The following PAPPA2 variants were observed in gnomAD, a reference collection of about 807,000 sequenced individuals.
PAPPA2 encodes pappalysin 2.
In PAPPA2, 86 loss-of-function variants were observed where a neutral mutation model predicts 176.4. The observed-to-expected ratio is 0.49, with a 90% confidence interval of 0.41 to 0.58. PAPPA2 has a LOEUF of 0.58. Ranked by LOEUF, PAPPA2 falls within the 20% of genes least tolerant of loss-of-function variation. PAPPA2 has a pLI of 0.00. For missense variants in PAPPA2, 2,073 were observed against 2,256.9 expected, an observed-to-expected ratio of 0.92 and a Z score of 1.65; for synonymous variants, 809 against 852.2, an observed-to-expected ratio of 0.95 and a Z score of 0.88.
At chr1:176,646,267 T>G (rs1250116284) in intron 3 of PAPPA2, among the ~76,000 whole-genome samples, 1 of 151,356 alleles carries the variant, frequency 6.6e-6, no homozygotes, top group East Asian at 1.9e-4. Flanking sequence ...AAATTTTTAT[T>G]TTTAATTTTT....
At position 176,510,810 on chromosome 1, in the gene PAPPA2, T is replaced by TACACACACACACACACACACACACAC. The variant is rs200808228; in HGVS notation, c.-916-44583_-916-44558dup. ...ATATTTTAAAATTTAAAGCAACACA[T>TACACACACACACACACACACACACAC]ACACACACACACACACACACACACA... On this transcript the variant is annotated intron_variant, in intron 1 of 22. Coordinates refer to ENST00000367662, the MANE Select transcript of PAPPA2 (RefSeq NM_020318.3). 7.9e-5 allele frequency among the ~76,000 whole-genome samples: 10 copies of TACACACACACACACACACACACACAC among 126,492 alleles called. 1 individual carries two copies. The highest frequency in any genetic ancestry group is 1.4e-4 in the Non-Finnish European group (8 of 57,348). The allele number at this position is 126,492 out of a possible 152,430, so 83.0% of individuals were successfully genotyped here.
At chr1:176,660,502 C>CATTGATTAA (rs761716549) in intron 3 of PAPPA2, among the ~76,000 whole-genome samples, 6 of 152,074 alleles carry the variant, frequency 3.9e-5, no homozygotes, top group Non-Finnish European at 8.8e-5. Flanking sequence ...TCTTGCAAGA[C>CATTGATTAA]ATTGATTAAA....
intron 12 of PAPPA2, among the ~76,000 whole-genome samples, chr1:176,720,874 G>A (rs1411219153): frequency 6.6e-6 from 1 of 152,190 alleles, no homozygotes; most frequent in African/African-American, 2.4e-5. Context: ...ACAAGTCCCA[G>A]AGTCCAAAGG....
intron 3 of PAPPA2, among the ~76,000 whole-genome samples, chr1:176,645,078 C>CT (rs1376807146): frequency 6.6e-6 from 1 of 151,726 alleles, no homozygotes; most frequent in African/African-American, 2.4e-5. Flanking sequence ...ACATATTTGT[C>CT]TTTTTTATCT....
chr1:176,842,701 G>C lies in PAPPA2; in HGVS notation c.*247G>C. ...GTGGCAGTTGATTAACATGGAAGGG[G>C]AAATATGATAGATATATAAGGACCC... On this transcript the variant is annotated 3_prime_UTR_variant, in exon 23 of 23. Transcript: ENST00000367662. 2.0e-6 allele frequency: 1 copy of C among 498,310 alleles called. No individual in the cohort carries two copies. The highest frequency in any genetic ancestry group is 3.6e-6 in the Non-Finnish European group (1 of 277,002). The allele number at this position is 498,310 out of a possible 1,614,324, so 30.9% of individuals were successfully genotyped here.
chr1:176,740,692 T>C (rs1236258587), intron 14 of PAPPA2, among the ~76,000 whole-genome samples: 1 of 152,176 alleles, frequency 6.6e-6, no homozygotes, highest in Non-Finnish European at 1.5e-5. Flanking sequence ...ATGTCTGTGA[T>C]TGTCATCCTC....
intron 17 of PAPPA2, among the ~76,000 whole-genome samples, chr1:176,778,048 T>TA (rs57909250): frequency 1.1e-3 from 150 of 130,676 alleles, no homozygotes; most frequent in Admixed American, 2.6e-3. Flanking sequence ...CAAAACAAAT[T>TA]AAAAAAAAAA....
chr1:176,518,463 A>AG (rs1302231742), intron 1 of PAPPA2, among the ~76,000 whole-genome samples: 2 of 152,124 alleles, frequency 1.3e-5, no homozygotes, highest in East Asian at 3.9e-4. Flanking sequence ...AAAAAAAAAA[A>AG]AAAAAACAAA....
intron 21 of PAPPA2, among the ~76,000 whole-genome samples, chr1:176,820,163 A>C (rs776913517): frequency 1.3e-5 from 2 of 152,064 alleles, no homozygotes; most frequent in Non-Finnish European, 2.9e-5. Context: ...AACAACACGC[A>C]CCTATTTTGA....
intron 3 of PAPPA2, among the ~76,000 whole-genome samples, chr1:176,619,753 G>A (rs1655479735): frequency 6.6e-6 from 1 of 151,962 alleles, no homozygotes; most frequent in Non-Finnish European, 1.5e-5. Context: ...ATATACTTTT[G>A]AATGAACTTA....
intron 4 of PAPPA2, among the ~76,000 whole-genome samples, chr1:176,686,593 G>A (rs759882041): frequency 1.3e-5 from 2 of 152,196 alleles, no homozygotes; most frequent in Non-Finnish European, 1.5e-5. Context: ...CAGCAGGTCT[G>A]AGAGTAGGAT....
chr1:176,655,973 A>C (rs905023919), intron 3 of PAPPA2, among the ~76,000 whole-genome samples: 1 of 151,900 alleles, frequency 6.6e-6, no homozygotes, highest in African/African-American at 2.4e-5. Context: ...GTCCCGTGAT[A>C]TATAAATCAA....
At chr1:176,716,602 C>CTTTTTTTTTTTT (rs71299410) in intron 12 of PAPPA2, among the ~76,000 whole-genome samples, 24 of 114,828 alleles carry the variant, frequency 2.1e-4, no homozygotes, top group African/African-American at 2.8e-4. Context: ...TTCCTTCCTT[C>CTTTTTTTTTTTT]TTTTTTTTTT....
At position 176,760,141 on chromosome 1, in the gene PAPPA2, T is replaced by C. The variant is rs944352579; in HGVS notation, c.4152-5525T>C. 5.3e-5 allele frequency among the ~76,000 whole-genome samples: 8 copies of C among 152,352 alleles called. No individual in the cohort carries two copies. The East Asian group carries it at 1.3e-3, about 26-fold the overall frequency. On this transcript the variant is annotated intron_variant, in intron 14 of 22. Transcript: ENST00000367662. ...TTTCCAAATTCTATTTTCATTAAAG[T>C]CAAATCAAATTCAATAATAAAACTT...
chr1:176,592,560 T>C (rs1449249477), intron 2 of PAPPA2, among the ~76,000 whole-genome samples: 1 of 152,186 alleles, frequency 6.6e-6, no homozygotes, highest in East Asian at 1.9e-4. Flanking sequence ...TTTTTGATAA[T>C]AGACTAGAAG....
At position 176,556,983 on chromosome 1, in the gene PAPPA2, C is replaced by G. The variant is rs1437108644; in HGVS notation, c.661C>G (p.Pro221Ala). The G allele has an allele frequency of 4.3e-6, 7 of 1,613,964 alleles. No individual in the cohort carries two copies. In the African/African-American group the frequency reaches 6.7e-5, roughly 15 times the overall value. Reference protein sequence around the residue: ...GDSGISSHFQPWPKHSLKHRV... With the variant: ...GDSGISSHFQAWPKHSLKHRV... ...CTCCGGTATCTCTTCACATTTCCAA[C>G]CTTGGCCCAAGCATTCCCTTAAACA... The change falls in exon 2 of 23, where the codon CCT becomes GCT. Residue 221 changes from proline (P) to alanine (A), a missense_variant. By Grantham distance (27) the Pro-to-Ala change is conservative. Transcript: ENST00000367662.
chr1:176,787,402 T>C (rs964776404), intron 17 of PAPPA2, among the ~76,000 whole-genome samples: 2 of 152,048 alleles, frequency 1.3e-5, no homozygotes, highest in East Asian at 2.0e-4. Flanking sequence ...GCCTGGCTAA[T>C]TTTTGCATTT....
At chr1:176,642,265 A>G (rs950747334) in intron 3 of PAPPA2, among the ~76,000 whole-genome samples, 2 of 151,966 alleles carry the variant, frequency 1.3e-5, no homozygotes, top group Admixed American at 6.6e-5. Context: ...TTAAATAACA[A>G]TAATTGCAAA....
chr1:176,650,651 A>G (rs568487795), intron 3 of PAPPA2, among the ~76,000 whole-genome samples: 1 of 151,628 alleles, frequency 6.6e-6, no homozygotes, highest in South Asian at 2.1e-4. Context: ...GAGTGAGAAC[A>G]TGCGGTGTTT....
Sources: allele counts gnomAD v4.1 joint callset (sites outside exome capture counted in the v4.1 genomes callset), GRCh38; gene constraint gnomAD v4.1.1; transcripts MANE v1.5; gene names NCBI Gene and HGNC (gene_info 2026-07-23, HGNC 2026-07-21).